Variants in DDX3X observed in about 807,000 individuals in gnomAD.
The protein encoded by DDX3X is DEAD-box helicase 3 X-linked.
DDX3X carries 4 observed loss-of-function variants against 52.7 expected under a neutral mutation model. The observed-to-expected ratio is 0.08, with a 90% CI of 0.04 to 0.17. The LOEUF is 0.17. DDX3X is among the 10% of genes least tolerant of loss of function. DDX3X has a pLI of 1.00. For missense variants in DDX3X, 222 were observed against 548.6 expected, an observed-to-expected ratio of 0.40 and a Z score of 5.95; for synonymous variants, 192 against 178.1, an observed-to-expected ratio of 1.08 and a Z score of -0.62.
chrX:41,345,158 GT>G lies in DDX3X; in HGVS notation c.1026-14del. The G allele has an allele frequency of 8.3e-7, 1 of 1,198,223 alleles. No individual in the cohort carries two copies. Among genetic ancestry groups the G allele is most frequent in the South Asian group, 1.8e-5 (1 of 55,514 alleles). On this transcript the variant is annotated intron_variant, in intron 10 of 16. Transcript: ENST00000644876. Reference sequence around the variant, plus strand: ...CTCCTCAAATTCTAAACTCAGGCTTGTTTTTTTTCATGACATGACAGATACT... The same window carrying G: ...CTCCTCAAATTCTAAACTCAGGCTTGTTTTTTTCATGACATGACAGATACT...
Position 41,345,863 on chromosome X carries a change from C to T in DDX3X, c.1315+315C>T, listed in dbSNP as rs749589229. 1.9e-3 allele frequency: 483 copies of T among 248,947 alleles called. 6 individuals are homozygous for T. The highest frequency in any genetic ancestry group is 2.4e-3 in the Non-Finnish European group (351 of 143,514). The allele number at this position is 248,947 out of a possible 1,213,427, so 20.5% of individuals were successfully genotyped here. On this transcript the variant is annotated intron_variant, in intron 12 of 16. Transcript: ENST00000644876. The stretch of plus-strand genomic sequence containing the variant: ...GAGTAGCTGGGACTACAGGCACTCA[C>T]CACTGCACCCAGCTAAAATTATGAA...
downstream of DDX3X, chrX:41,351,666 A>G (rs1213301610): frequency 9.0e-6 from 1 of 111,619 alleles, no homozygotes; most frequent in African/African-American, 3.3e-5. Flanking sequence ...GAGTATATTT[A>G]AACCTGCTTT....
chrX:41,337,261 A>G, intron 1 of DDX3X, 147 bp from the exon 2 acceptor site: 1 of 495,497 alleles, frequency 2.0e-6, no homozygotes, highest in Non-Finnish European at 3.6e-6. Context: ...TCTTAGTCAC[A>G]TTCTCATTAA....
chrX:41,347,594 A>G (rs765982117), intron 16 of DDX3X, 46 bp from the exon 17 acceptor site: 1 of 1,137,469 alleles, frequency 8.8e-7, no homozygotes, highest in South Asian at 1.9e-5. Flanking sequence ...GTATTTAATG[A>G]TGGATAACTT....
At chrX:41,351,357 CTT>C (rs774945889), downstream of DDX3X, 39 of 112,159 alleles carry the variant, frequency 3.5e-4, 2 homozygotes, top group Admixed American at 2.4e-3. Context: ...AGTTGTCACT[CTT>C]GGGCACTGTT....
intron 12 of DDX3X, among the ~76,000 whole-genome samples, 175 bp from the exon 13 acceptor site, chrX:41,346,054 T>C (rs1170807677): frequency 1.8e-5 from 2 of 111,229 alleles, no homozygotes; most frequent in African/African-American, 6.5e-5. Context: ...ATCTCTTAAA[T>C]GTATTTGGAT....
At chrX:41,362,452 T>A (rs370893009) in intron 5 of DDX3X, among the ~76,000 whole-genome samples, 12 of 111,168 alleles carry the variant, frequency 1.1e-4, no homozygotes, top group African/African-American at 3.9e-4. Flanking sequence ...GGTCTCCCTG[T>A]CTCCATCATG....
At chrX:41,339,646 A>G (rs1260117807) in intron 3 of DDX3X, 1 of 112,099 alleles carries the variant, frequency 8.9e-6, no homozygotes, top group Non-Finnish European at 1.9e-5. Context: ...TATGTTTCAT[A>G]TTATGAGACA....
chrX:41,353,490 T>G (rs936705886), downstream of DDX3X, among the ~76,000 whole-genome samples: 10 of 104,705 alleles, frequency 9.6e-5, no homozygotes, highest in Non-Finnish European at 1.9e-4. Context: ...TATATTGTAT[T>G]CAGAATATTA....
In DDX3X at chrX:41,341,568, G is replaced by A. The variant is rs1064795656; in HGVS notation, c.236G>A (p.Arg79Lys). The A allele has an allele frequency of 8.3e-6, 10 of 1,208,847 alleles. No individual in the cohort carries two copies. Among genetic ancestry groups the A allele is most frequent in the Non-Finnish European group, 1.1e-5 (10 of 894,069 alleles). The part of the protein sequence containing the change: ...YSSFGSRSDS[R>K]GKSSFFSDRG... ...AGTTTTGGATCTCGTAGTGATTCAA[G>A]AGGGAAGTCTAGCTTCTTCAGTGAT... The change falls in exon 4 of 17, where the codon AGA becomes AAA. Residue 79 changes from arginine to lysine, a missense_variant. Transcript: ENST00000644876.
At chrX:41,355,857 T>C (rs2064006825) in intron 5 of DDX3X, among the ~76,000 whole-genome samples, 1 of 110,422 alleles carries the variant, frequency 9.1e-6, no homozygotes, top group East Asian at 2.8e-4. Flanking sequence ...TGCATTTCTC[T>C]AATGGCTGGT....
At chrX:41,358,668 A>T (rs2064018107) in intron 5 of DDX3X, among the ~76,000 whole-genome samples, 2 of 111,997 alleles carry the variant, frequency 1.8e-5, no homozygotes, top group South Asian at 3.7e-4. Context: ...CTTTAATTGG[A>T]ACACTCTTGG....
intron 2 of DDX3X, chrX:41,337,747 C>T: frequency 2.0e-5 from 4 of 203,190 alleles, no homozygotes; most frequent in Non-Finnish European, 3.5e-5. Flanking sequence ...CGGGTTCAAG[C>T]GATTCTCCTG....
downstream of DDX3X, chrX:41,351,507 T>C (rs2063986356): frequency 1.8e-5 from 2 of 111,392 alleles, no homozygotes; most frequent in Admixed American, 9.6e-5. Flanking sequence ...ACAGGCTTGC[T>C]CTTTAGAGCA....
rs1051267844 is a variant in DDX3X, at chrX:41,348,932, T to C, written c.*1213T>C. On this transcript the variant is annotated 3_prime_UTR_variant, in exon 17 of 17. Coordinates refer to ENST00000644876, the MANE Select transcript of DDX3X (RefSeq NM_001356.5). ...ACAAGGTGTCAATTCTGCTCTACAG[T>C]GCAGTTTTAGTCAGTTTTAGTTGCA... 13 of 112,432 alleles carry C rather than the reference T, an allele frequency of 1.2e-4. No individual in the cohort carries two copies. The highest frequency in any genetic ancestry group is 3.2e-4 in the African/African-American group (10 of 30,853). The allele number at this position is 112,432 out of a possible 1,213,427, so 9.3% of individuals were successfully genotyped here. A position where few individuals can be genotyped will look rare whatever the true frequency, so the allele number is the denominator to read the frequency against.
intron 6 of DDX3X, 171 bp from the exon 7 acceptor site, chrX:41,343,045 C>A: frequency 1.6e-6 from 1 of 614,449 alleles, no homozygotes; most frequent in Non-Finnish European, 2.5e-6. Context: ...CCAAAGTCTT[C>A]TCCAATGTGC....
exon 6 of DDX3X, chrX:41,364,344 A>G (rs2064040392): frequency 3.4e-6 from 1 of 297,165 alleles, no homozygotes; most frequent in East Asian, 4.7e-5. Context: ...GCATGCTGAG[A>G]TTGGTGGAAT....
chrX:41,340,350 T>C (rs2063832330), intron 3 of DDX3X: 1 of 114,133 alleles, frequency 8.8e-6, no homozygotes, highest in African/African-American at 3.2e-5. Context: ...GGTAGAGATC[T>C]GGCAATCTAA....
At chrX:41,345,876 C>G (rs1351867890) in intron 12 of DDX3X, 1 of 246,701 alleles carries the variant, frequency 4.1e-6, no homozygotes, top group African/African-American at 2.9e-5. Context: ...CTGCACCCAG[C>G]TAAAATTATG....
Sources: allele counts gnomAD v4.1 joint callset (sites outside exome capture counted in the v4.1 genomes callset), GRCh38; gene constraint gnomAD v4.1.1; transcripts MANE v1.5; gene names NCBI Gene and HGNC (gene_info 2026-07-23, HGNC 2026-07-21).